DSCAM: variants seen among roughly 807,000 people sequenced by gnomAD.
DSCAM encodes the protein cell adhesion molecule DSCAM.
In DSCAM, 47 loss-of-function variants were observed where a neutral mutation model predicts 217.7. The ratio of observed to expected loss-of-function variants is 0.22; its 90% CI spans 0.17 to 0.28. The LOEUF is 0.28. Among genes scored for constraint, DSCAM ranks in the 10% least tolerant of loss-of-function variants. DSCAM has a pLI of 1.00. For missense variants in DSCAM, 2,080 were observed against 2,618.3 expected, an observed-to-expected ratio of 0.79 and a Z score of 4.49; for synonymous variants, 1,056 against 1,015.3, an observed-to-expected ratio of 1.04 and a Z score of -0.76.
intron 3 of DSCAM, among the ~76,000 whole-genome samples, chr21:40,627,370 A>G (rs2089615626): frequency 6.6e-6 from 1 of 152,208 alleles, no homozygotes; most frequent in African/African-American, 2.4e-5. Context: ...TGAAAACCAC[A>G]AGGGCAAATC....
At chr21:40,814,230 A>C (rs1435992953) in intron 1 of DSCAM, among the ~76,000 whole-genome samples, 1 of 152,226 alleles carries the variant, frequency 6.6e-6, no homozygotes, top group Non-Finnish European at 1.5e-5. Context: ...TCTCCTGCGC[A>C]TGAAGAACCG....
intron 1 of DSCAM, among the ~76,000 whole-genome samples, chr21:40,806,451 A>G (rs902229289): frequency 3.3e-5 from 5 of 152,338 alleles, no homozygotes; most frequent in Middle Eastern, 3.4e-3. Flanking sequence ...AGCTCTTGCA[A>G]TACAAATATA....
At chr21:40,211,287 T>C (rs1235393057) in intron 11 of DSCAM, among the ~76,000 whole-genome samples, 1 of 152,238 alleles carries the variant, frequency 6.6e-6, no homozygotes, top group Non-Finnish European at 1.5e-5. Context: ...TTCATTTTGT[T>C]GTTGTTGTTG....
intron 2 of DSCAM, among the ~76,000 whole-genome samples, chr21:40,698,794 C>A (rs370687803): frequency 6.7e-6 from 1 of 149,558 alleles, no homozygotes. Flanking sequence ...CACTTGAACC[C>A]GGGAGGCAGA....
chr21:40,228,840 T>C (rs576203135), intron 11 of DSCAM, among the ~76,000 whole-genome samples: 1 of 152,262 alleles, frequency 6.6e-6, no homozygotes, highest in South Asian at 2.1e-4. Flanking sequence ...TACTGTGGCA[T>C]TGTTCCTTGC....
intron 27 of DSCAM, among the ~76,000 whole-genome samples, chr21:40,064,176 C>T (rs1834608236): frequency 6.6e-6 from 1 of 151,618 alleles, no homozygotes; most frequent in African/African-American, 2.4e-5. Context: ...TATACATACA[C>T]ACACACACAT....
intron 9 of DSCAM, among the ~76,000 whole-genome samples, chr21:40,309,601 G>A (rs1456276171): frequency 2.6e-5 from 4 of 152,052 alleles, no homozygotes; most frequent in Non-Finnish European, 4.4e-5. Context: ...TGTCAATACC[G>A]TTCTTCCTCA....
chr21:40,474,578 G>A (rs2075917745), intron 3 of DSCAM, among the ~76,000 whole-genome samples: 2 of 152,158 alleles, frequency 1.3e-5, no homozygotes, highest in Admixed American at 1.3e-4. Flanking sequence ...CCCTGAGCTG[G>A]AACAGCCCCT....
intron 3 of DSCAM, among the ~76,000 whole-genome samples, chr21:40,505,793 G>C (rs1222979104): frequency 1.3e-5 from 2 of 152,170 alleles, no homozygotes; most frequent in Non-Finnish European, 2.9e-5. Flanking sequence ...GTGATATGCA[G>C]TGCTTCTCAT....
chr21:40,393,736 G>A (rs1295300488), intron 3 of DSCAM, among the ~76,000 whole-genome samples: 1 of 152,046 alleles, frequency 6.6e-6, no homozygotes, highest in Admixed American at 6.5e-5. Context: ...AGATTAAACT[G>A]TTATTTAAAT....
Position 40,144,317 on chromosome 21 carries a change from G to C in DSCAM, c.3259+174C>G, listed in dbSNP as rs1301152304. ...GTCCAGCCCTGCCCCAGGGCGGGCA[G>C]ATCAGCGGGGTGGGCGAGGTCACGA... is the stretch of plus-strand genomic sequence containing the variant. On this transcript the variant is annotated intron_variant, in intron 17 of 32. Transcript: ENST00000400454. This position sits in a 1 kb window ranked among gnomAD's most constrained non-coding sequence, Gnocchi z 4.8. 6.6e-6 allele frequency among the ~76,000 whole-genome samples: 1 copy of C among 152,188 alleles called. No individual in the cohort carries two copies. The highest frequency in any genetic ancestry group is 2.4e-5 in the African/African-American group (1 of 41,448).
intron 3 of DSCAM, among the ~76,000 whole-genome samples, chr21:40,388,642 C>CT: frequency 6.7e-6 from 1 of 149,728 alleles, no homozygotes; most frequent in East Asian, 1.9e-4. Flanking sequence ...CATTTTAAAC[C>CT]CCCCCTCCTC....
intron 20 of DSCAM, among the ~76,000 whole-genome samples, chr21:40,114,062 C>T (rs1267784694): frequency 6.6e-6 from 1 of 151,832 alleles, no homozygotes; most frequent in Non-Finnish European, 1.5e-5. Flanking sequence ...GAAAAAACTA[C>T]TTTAAAGTTC....
chr21:40,542,000 G>A (rs2146134155), intron 3 of DSCAM, among the ~76,000 whole-genome samples: 1 of 152,212 alleles, frequency 6.6e-6, no homozygotes, highest in African/African-American at 2.4e-5. Flanking sequence ...AGCAAAGAAA[G>A]AACCAAGCAA....
intron 3 of DSCAM, among the ~76,000 whole-genome samples, chr21:40,446,466 C>T (rs1248563155): frequency 6.6e-6 from 1 of 152,184 alleles, no homozygotes; most frequent in Non-Finnish European, 1.5e-5. Flanking sequence ...GGTCAGACCC[C>T]ACTCAGTATC....
intron 3 of DSCAM, among the ~76,000 whole-genome samples, chr21:40,556,858 T>C (rs760553606): frequency 3.0e-4 from 46 of 152,204 alleles, no homozygotes; most frequent in Non-Finnish European, 5.6e-4. Flanking sequence ...TAAATATCCA[T>C]ATCATAGCAC....
Position 40,462,150 on chromosome 21 carries a change from T to TA in DSCAM, c.509-92906_509-92905insT, listed in dbSNP as rs59024216. Among the ~76,000 whole-genome samples the TA allele has an allele frequency of 7.8e-3, 1,195 of 152,304 alleles. 20 individuals carry two copies. Among genetic ancestry groups the TA allele is most frequent in the African/African-American group, 0.027 (1,120 of 41,564 alleles). On this transcript the variant is annotated intron_variant, in intron 3 of 32. Transcript: ENST00000400454. ...CCCACGTCTTTCCTCTTGGAACTCCTTCCTGCAAGTTCAGATAAGAAAATT... is the reference window on the plus strand; with the variant it reads ...CCCACGTCTTTCCTCTTGGAACTCCTATCCTGCAAGTTCAGATAAGAAAATT...
chr21:40,419,958 G>A (rs2075407455), intron 3 of DSCAM, among the ~76,000 whole-genome samples: 1 of 151,998 alleles, frequency 6.6e-6, no homozygotes, highest in Admixed American at 6.6e-5. Context: ...AAATTTAAGA[G>A]TAATCATTAG....
intron 1 of DSCAM, among the ~76,000 whole-genome samples, chr21:40,828,928 G>C (rs2091991421): frequency 6.6e-6 from 1 of 152,206 alleles, no homozygotes; most frequent in African/African-American, 2.4e-5. Context: ...GAAGTGCTGG[G>C]ATTACAGGTG....
Sources: allele counts gnomAD v4.1 joint callset (sites outside exome capture counted in the v4.1 genomes callset), GRCh38; gene constraint gnomAD v4.1.1; non-coding constraint Gnocchi (gnomAD v3.1); transcripts MANE v1.5; gene names NCBI Gene and HGNC (gene_info 2026-07-23, HGNC 2026-07-21).